ZDHHC14: variants seen among roughly 807,000 people sequenced by gnomAD.
The protein encoded by ZDHHC14 is zDHHC palmitoyltransferase 14.
Under a neutral mutation model 47.7 loss-of-function variants are expected in ZDHHC14, and 16 were observed. The observed-to-expected ratio is 0.34, with a 90% CI of 0.23 to 0.51. The LOEUF is 0.51. Ranked by LOEUF, ZDHHC14 falls within the 20% of genes least tolerant of loss-of-function variation. ZDHHC14 has a pLI of 0.97. For synonymous variants in ZDHHC14, 293 were observed against 278.9 expected, an observed-to-expected ratio of 1.05 and a Z score of -0.50; for missense variants, 515 against 662.5, an observed-to-expected ratio of 0.78 and a Z score of 2.44.
At chr6:157,431,421 C>CAT (rs1778336686) in intron 1 of ZDHHC14, among the ~76,000 whole-genome samples, 1 of 152,198 alleles carries the variant, frequency 6.6e-6, no homozygotes, top group Non-Finnish European at 1.5e-5. Context: ...TGGCAGGGAC[C>CAT]ATAGTGCCCA....
rs563212152 is a variant in ZDHHC14, at chr6:157,676,387, A to G, written c.*3265A>G. The G allele has an allele frequency of 9.8e-5, 15 of 152,512 alleles. No individual in the cohort carries two copies. The East Asian group carries it at 2.9e-3, about 29-fold the overall frequency. The allele number at this position is 152,512 out of a possible 1,614,324, so 9.4% of individuals were successfully genotyped here. ...CTCTGTTCTGGCCCAGAATGGCACA[A>G]GGGAGGAGTCTTTGCAGAGTTCCAC... On this transcript the variant is annotated 3_prime_UTR_variant, in exon 9 of 9. Coordinates refer to ENST00000359775, the MANE Select transcript of ZDHHC14 (RefSeq NM_024630.3).
chr6:157,584,083 G>A (rs149187176), intron 2 of ZDHHC14, among the ~76,000 whole-genome samples: 240 of 152,304 alleles, frequency 1.6e-3, no homozygotes, highest in African/African-American at 5.4e-3. Flanking sequence ...TCCTTTCCCA[G>A]TCCAAGGGCA....
intron 2 of ZDHHC14, among the ~76,000 whole-genome samples, chr6:157,543,569 A>G (rs945644841): frequency 1.3e-5 from 2 of 152,206 alleles, no homozygotes; most frequent in Non-Finnish European, 2.9e-5. Flanking sequence ...TGCAGCCTTC[A>G]CTAAAGCTGG....
At chr6:157,608,320 T>C (rs960659882) in intron 3 of ZDHHC14, among the ~76,000 whole-genome samples, 7 of 151,178 alleles carry the variant, frequency 4.6e-5, no homozygotes, top group Non-Finnish European at 1.0e-4. Context: ...GTGAATGTGG[T>C]CAACATGGCC....
chr6:157,633,710 T>G (rs1300280091), intron 5 of ZDHHC14, among the ~76,000 whole-genome samples: 1 of 152,210 alleles, frequency 6.6e-6, no homozygotes. Flanking sequence ...AGACCAAGTC[T>G]TACCCCATCA....
intron 1 of ZDHHC14, among the ~76,000 whole-genome samples, chr6:157,486,906 G>A (rs1779793765): frequency 6.6e-6 from 1 of 152,234 alleles, no homozygotes; most frequent in African/African-American, 2.4e-5. Context: ...GGATGCAGGA[G>A]GTGGGCTGGG....
intron 1 of ZDHHC14, among the ~76,000 whole-genome samples, chr6:157,498,856 C>T (rs533681379): frequency 6.6e-6 from 1 of 152,216 alleles, no homozygotes; most frequent in South Asian, 2.1e-4. Flanking sequence ...AGGTTAAAGC[C>T]GCCTATGGCT....
chr6:157,410,642 G>A (rs1195403038), intron 1 of ZDHHC14, among the ~76,000 whole-genome samples: 1 of 152,186 alleles, frequency 6.6e-6, no homozygotes, highest in African/African-American at 2.4e-5. Context: ...AGATGAAGGA[G>A]GTGGTAGAGG....
intron 8 of ZDHHC14, among the ~76,000 whole-genome samples, chr6:157,657,621 G>A (rs992359573): frequency 6.6e-6 from 1 of 152,140 alleles, no homozygotes; most frequent in African/African-American, 2.4e-5. Context: ...GAGTACCATG[G>A]TCTACCGCCT....
chr6:157,401,348 G>A (rs1282879990), intron 1 of ZDHHC14, among the ~76,000 whole-genome samples: 3 of 152,216 alleles, frequency 2.0e-5, no homozygotes, highest in Admixed American at 6.5e-5. Context: ...TATGTAGAAT[G>A]TTACTGGGTA....
intron 1 of ZDHHC14, among the ~76,000 whole-genome samples, chr6:157,383,136 C>T (rs1309747795): frequency 1.3e-5 from 2 of 152,202 alleles, no homozygotes; most frequent in Non-Finnish European, 2.9e-5. Flanking sequence ...AATGAAAGGT[C>T]TTCTTATTTA....
intron 1 of ZDHHC14, among the ~76,000 whole-genome samples, chr6:157,398,115 T>G (rs1777560574): frequency 7.8e-6 from 1 of 128,268 alleles, no homozygotes; most frequent in Non-Finnish European, 1.6e-5. Context: ...TGGCCCCAGG[T>G]AGGCAGAGAT....
intron 5 of ZDHHC14, among the ~76,000 whole-genome samples, chr6:157,643,474 C>G (rs1024521939): frequency 2.6e-5 from 4 of 151,258 alleles, no homozygotes; most frequent in Admixed American, 1.3e-4. Context: ...ATGGTGAAAC[C>G]CCGTCTCTAC....
At chr6:157,550,456 A>G (rs111955592) in intron 2 of ZDHHC14, among the ~76,000 whole-genome samples, 22 of 139,218 alleles carry the variant, frequency 1.6e-4, no homozygotes, top group African/African-American at 6.6e-4. Flanking sequence ...AGACCACGGC[A>G]TCACACAGGC....
At chr6:157,648,096 CT>C (rs954037714) in intron 7 of ZDHHC14, among the ~76,000 whole-genome samples, 1 of 152,244 alleles carries the variant, frequency 6.6e-6, no homozygotes, top group Admixed American at 6.5e-5. Context: ...TATGTGCCCA[CT>C]GAGGCACGCT....
At chr6:157,534,051 A>G (rs9355277) in intron 1 of ZDHHC14, among the ~76,000 whole-genome samples, 33,652 of 152,172 alleles carry the variant, frequency 0.22, 4,299 homozygotes, top group Middle Eastern at 0.39. Context: ...TGAAACAAGA[A>G]TTATGAATAG....
chr6:157,603,418 G>A (rs1784415108), intron 3 of ZDHHC14, among the ~76,000 whole-genome samples: 1 of 152,222 alleles, frequency 6.6e-6, no homozygotes, highest in Admixed American at 6.5e-5. Flanking sequence ...GAAGAAATTA[G>A]CTGGCAGCCA....
At chr6:157,655,208 G>C (rs926926658) in intron 8 of ZDHHC14, among the ~76,000 whole-genome samples, 4 of 152,196 alleles carry the variant, frequency 2.6e-5, no homozygotes, top group Non-Finnish European at 2.9e-5. Flanking sequence ...GAAGAGACAG[G>C]CTCGCAGGAA....
intron 4 of ZDHHC14, chr6:157,628,696 C>T (rs1343025680): frequency 1.7e-6 from 1 of 589,306 alleles, no homozygotes; most frequent in Non-Finnish European, 2.9e-6. Context: ...ACTCCCCACC[C>T]CATCTTTCAC....
Sources: allele counts gnomAD v4.1 joint callset (sites outside exome capture counted in the v4.1 genomes callset), GRCh38; gene constraint gnomAD v4.1.1; transcripts MANE v1.5; gene names NCBI Gene and HGNC (gene_info 2026-07-23, HGNC 2026-07-21).